KCNQ5: variants seen among roughly 807,000 people sequenced by gnomAD.
The protein encoded by KCNQ5 is potassium voltage-gated channel subfamily KQT member 5.
A neutral mutation model predicts 98.2 loss-of-function variants in KCNQ5; 30 were observed. The ratio of observed to expected loss-of-function variants is 0.31; its 90% confidence interval spans 0.23 to 0.41. The LOEUF is 0.41. Ranked by LOEUF, KCNQ5 falls within the 10% of genes least tolerant of loss-of-function variation. The probability of loss-of-function intolerance (pLI) is 1.00; values close to 1 mark genes in which losing one functional copy is unlikely to be tolerated. For synonymous variants in KCNQ5, 458 were observed against 449.4 expected (o/e 1.02, Z -0.24); for missense variants, 835 against 1,182.5 (o/e 0.71, Z 4.31).
At chr6:73,031,998 T>C (rs1771172831) in intron 2 of KCNQ5, among the ~76,000 whole-genome samples, 2 of 152,146 alleles carry the variant, frequency 1.3e-5, no homozygotes, top group African/African-American at 4.8e-5. Flanking sequence ...TGCCCAGCCC[T>C]GACCTGCCTC....
At position 72,848,251 on chromosome 6, in the gene KCNQ5, A is replaced by C. The variant is rs1406980642; in HGVS notation, c.399-155657A>C. Among the ~76,000 whole-genome samples, 4 of 151,782 alleles carry C rather than the reference A, an allele frequency of 2.6e-5. No individual in the cohort carries two copies. The East Asian group carries it at 5.8e-4, about 22-fold the overall frequency. On this transcript the variant is annotated intron_variant, in intron 1 of 13. Coordinates refer to ENST00000370398, the MANE Select transcript of KCNQ5 (RefSeq NM_019842.4). ...TGGGCAGAACATGCAGGTTTGTTAC[A>C]TAGGTATACGTGTGCCATGGTGGTT...
chr6:73,124,422 T>A, intron 8 of KCNQ5, 64 bp from the exon 9 acceptor site: 2 of 1,527,872 alleles, frequency 1.3e-6, no homozygotes, highest in Non-Finnish European at 9.1e-7. Context: ...TTGGCCATTA[T>A]CAAGTGCTAT....
intron 2 of KCNQ5, among the ~76,000 whole-genome samples, chr6:73,016,721 G>A (rs1035582556): frequency 9.2e-5 from 14 of 152,094 alleles, no homozygotes; most frequent in African/African-American, 3.1e-4. Flanking sequence ...GAACAATATA[G>A]AGAACTTACA....
intron 1 of KCNQ5, among the ~76,000 whole-genome samples, chr6:72,689,713 C>A (rs1481282550): frequency 6.6e-6 from 1 of 151,160 alleles, no homozygotes; most frequent in Non-Finnish European, 1.5e-5. Flanking sequence ...AAATGCATTA[C>A]AATTCAGTGA....
At chr6:72,717,393 T>C (rs1451675346) in intron 1 of KCNQ5, among the ~76,000 whole-genome samples, 4 of 152,244 alleles carry the variant, frequency 2.6e-5, no homozygotes, top group African/African-American at 9.6e-5. Context: ...CATATACTTG[T>C]ATTGAAACAT....
chr6:72,997,830 A>T (rs1323038675), intron 1 of KCNQ5, among the ~76,000 whole-genome samples: 7 of 149,120 alleles, frequency 4.7e-5, no homozygotes, highest in African/African-American at 1.5e-4. Flanking sequence ...GATTTCAGTG[A>T]TAGTATTTAT....
intron 1 of KCNQ5, among the ~76,000 whole-genome samples, chr6:72,940,900 C>T (rs58597810): frequency 2.6e-4 from 40 of 151,890 alleles, no homozygotes; most frequent in African/African-American, 8.9e-4. Context: ...TGATAACCTG[C>T]GTTAATTATC....
chr6:72,875,773 TATA>T (rs1164141141), intron 1 of KCNQ5, among the ~76,000 whole-genome samples: 1 of 152,122 alleles, frequency 6.6e-6, no homozygotes, highest in Non-Finnish European at 1.5e-5. Context: ...AAATTTAACA[TATA>T]ATGAATAATA....
At chr6:72,899,079 C>T (rs1454835458) in intron 1 of KCNQ5, among the ~76,000 whole-genome samples, 1 of 152,004 alleles carries the variant, frequency 6.6e-6, no homozygotes, top group Non-Finnish European at 1.5e-5. Context: ...TATATTAGAC[C>T]TTTGTCAGAT....
intron 1 of KCNQ5, among the ~76,000 whole-genome samples, chr6:72,712,352 G>C (rs919348941): frequency 2.0e-5 from 3 of 152,282 alleles, no homozygotes; most frequent in African/African-American, 7.2e-5. Context: ...CTTCAAGAAG[G>C]AAAGAGAATA....
chr6:73,091,344 G>A (rs1774239465), intron 5 of KCNQ5, among the ~76,000 whole-genome samples: 1 of 152,068 alleles, frequency 6.6e-6, no homozygotes, highest in Non-Finnish European at 1.5e-5. Flanking sequence ...CTGGGGGAGG[G>A]ATAGCATTAG....
chr6:72,669,284 C>A (rs1180940835), intron 1 of KCNQ5, among the ~76,000 whole-genome samples: 3 of 152,172 alleles, frequency 2.0e-5, no homozygotes, highest in Admixed American at 2.0e-4. Context: ...GATAGACGTT[C>A]CCATCACAAA....
chr6:72,840,697 AT>A (rs1292310781), intron 1 of KCNQ5, among the ~76,000 whole-genome samples: 1 of 152,206 alleles, frequency 6.6e-6, no homozygotes, highest in African/African-American at 2.4e-5. Flanking sequence ...AAGATTACAA[AT>A]GGAAACTCCT....
chr6:73,049,502 C>G (rs1385708464), intron 3 of KCNQ5, among the ~76,000 whole-genome samples: 1 of 152,182 alleles, frequency 6.6e-6, no homozygotes, highest in Non-Finnish European at 1.5e-5. Context: ...CTAGGAATAG[C>G]ATGCTGGCCT....
intron 1 of KCNQ5, among the ~76,000 whole-genome samples, chr6:72,754,301 T>C (rs1771844399): frequency 6.6e-6 from 1 of 152,166 alleles, no homozygotes; most frequent in Non-Finnish European, 1.5e-5. Context: ...GTGTAATAGT[T>C]GTTGTTAATA....
chr6:73,163,059 AAATGAATG>A (rs1015853311), intron 10 of KCNQ5, among the ~76,000 whole-genome samples: 1 of 152,166 alleles, frequency 6.6e-6, no homozygotes, highest in African/African-American at 2.4e-5. Context: ...GTTGGAAAAT[AAATGAATG>A]AATGAATGAA....
intron 1 of KCNQ5, among the ~76,000 whole-genome samples, chr6:72,679,410 C>A (rs2154473719): frequency 6.6e-6 from 1 of 152,208 alleles, no homozygotes; most frequent in African/African-American, 2.4e-5. Flanking sequence ...ATGATGAGTT[C>A]ATGTCCTTTG....
intron 1 of KCNQ5, among the ~76,000 whole-genome samples, chr6:72,672,108 G>T (rs1488375230): frequency 6.7e-6 from 1 of 148,540 alleles, no homozygotes; most frequent in Non-Finnish European, 1.5e-5. Flanking sequence ...GAGCCACGAC[G>T]CCTGGCCTAA....
chr6:72,868,254 G>A (rs147502511), intron 1 of KCNQ5, among the ~76,000 whole-genome samples: 31 of 152,254 alleles, frequency 2.0e-4, no homozygotes, highest in African/African-American at 7.5e-4. Flanking sequence ...ATGCCTTTTT[G>A]TAATGTGCCC....
Sources: gnomAD v4.1 joint callset for allele counts (sites outside exome capture counted in the v4.1 genomes callset) on GRCh38, gnomAD v4.1.1 for gene constraint, MANE v1.5 for transcripts, NCBI Gene and HGNC (gene_info 2026-07-23, HGNC 2026-07-21) for gene names.